Variants in NOS1AP observed in about 807,000 individuals in gnomAD.
NOS1AP encodes the protein nitric oxide synthase 1 adaptor protein.
NOS1AP carries 21 observed loss-of-function variants against 56.2 expected under a neutral mutation model. That is an observed-to-expected ratio of 0.37 (90% CI 0.26 to 0.54). The LOEUF (loss-of-function observed/expected upper bound fraction) is 0.54, where lower values mean the gene tolerates loss of function less well. Ranked by LOEUF, NOS1AP falls within the 20% of genes least tolerant of loss-of-function variation. The pLI is 0.84. For synonymous variants in NOS1AP, 270 were observed against 274.6 expected (o/e 0.98, Z 0.17); for missense variants, 522 against 657.8 (o/e 0.79, Z 2.26).
intron 2 of NOS1AP, among the ~76,000 whole-genome samples, chr1:162,255,781 T>C (rs1193622663): frequency 3.9e-5 from 6 of 152,120 alleles, no homozygotes; most frequent in Admixed American, 3.9e-4. Context: ...GGAAAAAAAC[T>C]ATGCCAGTGA....
chr1:162,140,433 A>C (rs928068435), intron 1 of NOS1AP, among the ~76,000 whole-genome samples: 2 of 152,184 alleles, frequency 1.3e-5, no homozygotes, highest in African/African-American at 4.8e-5. Flanking sequence ...TTCCCTTAGG[A>C]AAATGGCCTC....
At chr1:162,085,608 G>A (rs185063858) in intron 1 of NOS1AP, among the ~76,000 whole-genome samples, 4 of 152,156 alleles carry the variant, frequency 2.6e-5, no homozygotes, top group Admixed American at 6.5e-5. Context: ...AGCCCTTTCC[G>A]AGTCTGACTC....
Position 162,353,706 on chromosome 1 carries a change from C to G in NOS1AP, c.596-1481C>G, listed in dbSNP as rs150206255. On this transcript the variant is annotated intron_variant, in intron 6 of 9. Transcript: ENST00000361897. ...TAAGTGCACAGAACACTGCAGTAGC[C>G]CAGCTTCTCCTGATCACTGATAGAA... Among the ~76,000 whole-genome samples the G allele has an allele frequency of 4.7e-3, 714 of 152,278 alleles. 2 individuals are homozygous for G. The highest frequency in any genetic ancestry group is 0.016 in the African/African-American group (655 of 41,548).
chr1:162,308,140 A>G (rs974307501), intron 4 of NOS1AP, among the ~76,000 whole-genome samples: 1 of 152,252 alleles, frequency 6.6e-6, no homozygotes, highest in Non-Finnish European at 1.5e-5. Flanking sequence ...CAAATTTGGA[A>G]AGTAGACCCA....
intron 6 of NOS1AP, among the ~76,000 whole-genome samples, chr1:162,353,231 A>G (rs1341702534): frequency 6.6e-6 from 1 of 152,092 alleles, no homozygotes; most frequent in Non-Finnish European, 1.5e-5. Context: ...AAGGATGAAA[A>G]TGTTTTGGTA....
At chr1:162,350,369 CCTGTTCTTACTA>C (rs1305194331) in intron 6 of NOS1AP, among the ~76,000 whole-genome samples, 3 of 152,198 alleles carry the variant, frequency 2.0e-5, no homozygotes, top group African/African-American at 7.2e-5. Flanking sequence ...TTCTTTCTTC[CCTGTTCTTACTA>C]CTGTTCCCTC....
At chr1:162,092,529 T>G (rs906148613) in intron 1 of NOS1AP, among the ~76,000 whole-genome samples, 1 of 152,224 alleles carries the variant, frequency 6.6e-6, no homozygotes, top group Non-Finnish European at 1.5e-5. Context: ...ATGACTGACT[T>G]AATGAATTGA....
intron 1 of NOS1AP, among the ~76,000 whole-genome samples, chr1:162,103,076 T>A (rs1409949032): frequency 6.6e-6 from 1 of 152,192 alleles, no homozygotes; most frequent in Non-Finnish European, 1.5e-5. Flanking sequence ...CATTCAGTGC[T>A]ATAAATTTCC....
At chr1:162,154,856 G>A (rs1189767556) in intron 2 of NOS1AP, among the ~76,000 whole-genome samples, 1 of 152,062 alleles carries the variant, frequency 6.6e-6, no homozygotes, top group Non-Finnish European at 1.5e-5. Flanking sequence ...GTTTCACCGT[G>A]TTGCCCAGGC....
chr1:162,251,950 C>A (rs12084492), intron 2 of NOS1AP, among the ~76,000 whole-genome samples: 1 of 143,602 alleles, frequency 7.0e-6, no homozygotes, highest in Non-Finnish European at 1.5e-5. Flanking sequence ...TCTCCTTGGT[C>A]TCCCAAAATG....
intron 2 of NOS1AP, among the ~76,000 whole-genome samples, chr1:162,267,000 T>C (rs1270092786): frequency 6.6e-6 from 1 of 152,184 alleles, no homozygotes; most frequent in Non-Finnish European, 1.5e-5. Flanking sequence ...TTCTATAACA[T>C]TAATATAATG....
chr1:162,119,901 C>T (rs767570799), intron 1 of NOS1AP, among the ~76,000 whole-genome samples: 17 of 152,036 alleles, frequency 1.1e-4, no homozygotes, highest in African/African-American at 2.4e-4. Context: ...GTAAAGGAAA[C>T]GGATGGCATG....
At chr1:162,276,237 C>G (rs919065074) in intron 2 of NOS1AP, among the ~76,000 whole-genome samples, 2 of 152,142 alleles carry the variant, frequency 1.3e-5, no homozygotes, top group Non-Finnish European at 2.9e-5. Context: ...CTACATAAAC[C>G]ATCCTGGCAT....
chr1:162,115,463 T>A (rs993375345), intron 1 of NOS1AP, among the ~76,000 whole-genome samples: 1 of 151,128 alleles, frequency 6.6e-6, no homozygotes, highest in Non-Finnish European at 1.5e-5. Context: ...GAACTGGGAG[T>A]TGTTGTAGGT....
chr1:162,327,643 T>G (rs772457752), intron 4 of NOS1AP, among the ~76,000 whole-genome samples: 1 of 152,216 alleles, frequency 6.6e-6, no homozygotes, highest in African/African-American at 2.4e-5. Flanking sequence ...GCAAATTAGC[T>G]TTGAGCATTT....
chr1:162,273,241 G>A (rs1654638193), intron 2 of NOS1AP, among the ~76,000 whole-genome samples: 1 of 142,554 alleles, frequency 7.0e-6, no homozygotes, highest in Admixed American at 7.7e-5. Flanking sequence ...TCGGCTCACT[G>A]CAAGCTCCGC....
At position 162,367,513 on chromosome 1, in the gene NOS1AP, C is replaced by T. The variant is rs1175488377; in HGVS notation, c.*46C>T. On this transcript the variant is annotated 3_prime_UTR_variant, in exon 10 of 10. Transcript: ENST00000361897. This position sits in a 1 kb window ranked among gnomAD's most constrained non-coding sequence, Gnocchi z 6.5. ...GAGGCGGCGGCGTGGCTGGAGGGGCCGTGTCTGGCTGCTGCCCGGGTAGGG... is the reference window on the plus strand; with the variant it reads ...GAGGCGGCGGCGTGGCTGGAGGGGCTGTGTCTGGCTGCTGCCCGGGTAGGG... 1 of 1,506,936 alleles carries T rather than the reference C, an allele frequency of 6.6e-7. No individual in the cohort carries two copies. Among genetic ancestry groups the T allele is most frequent in the South Asian group, 1.3e-5 (1 of 79,348 alleles). The allele number at this position is 1,506,936 out of a possible 1,614,324, so 93.3% of individuals were successfully genotyped here. A position where few individuals can be genotyped will look rare whatever the true frequency, so the allele number is the denominator to read the frequency against.
At chr1:162,214,942 G>T (rs528462027) in intron 2 of NOS1AP, among the ~76,000 whole-genome samples, 1 of 152,258 alleles carries the variant, frequency 6.6e-6, no homozygotes, top group African/African-American at 2.4e-5. Context: ...TTTTGAAAAT[G>T]TCACCTTTCT....
chr1:162,195,253 A>G (rs1433242855), intron 2 of NOS1AP, among the ~76,000 whole-genome samples: 1 of 152,158 alleles, frequency 6.6e-6, no homozygotes, highest in Non-Finnish European at 1.5e-5. Flanking sequence ...ATTAATATTA[A>G]TACCAAATTA....
Sources: gnomAD v4.1 joint callset for allele counts (sites outside exome capture counted in the v4.1 genomes callset) on GRCh38, gnomAD v4.1.1 for gene constraint, Gnocchi (gnomAD v3.1) non-coding constraint, MANE v1.5 for transcripts, NCBI Gene and HGNC (gene_info 2026-07-23, HGNC 2026-07-21) for gene names.